WWOX: variants seen among roughly 807,000 people sequenced by gnomAD.
WWOX encodes WW domain containing oxidoreductase.
In WWOX, 69 loss-of-function variants were observed where a neutral mutation model predicts 46.2. The observed-to-expected ratio is 1.49, with a 90% confidence interval of 1.23 to 1.82. The LOEUF (loss-of-function observed/expected upper bound fraction) is 1.82, where lower values mean the gene tolerates loss of function less well. Among genes scored for constraint, WWOX ranks in the 40% most tolerant of loss-of-function variants. The pLI, the probability that WWOX is intolerant of heterozygous loss-of-function variation, is 0.00. For missense variants in WWOX, 919 were observed against 542.6 expected (o/e 1.69, Z -6.89); for synonymous variants, 359 against 202.6 (o/e 1.77, Z -6.56).
At chr16:78,911,912 C>G (rs545275954) in intron 8 of WWOX, among the ~76,000 whole-genome samples, 1 of 152,052 alleles carries the variant, frequency 6.6e-6, no homozygotes, top group East Asian at 1.9e-4. Flanking sequence ...CATTCTCAAG[C>G]TTAGTGTGTG....
chr16:78,923,571 T>A (rs1204323380), intron 8 of WWOX, among the ~76,000 whole-genome samples: 1 of 152,114 alleles, frequency 6.6e-6, no homozygotes, highest in African/African-American at 2.4e-5. Flanking sequence ...TTTCCATTCA[T>A]AGTGTGTTAG....
intron 8 of WWOX, among the ~76,000 whole-genome samples, chr16:78,955,080 C>T (rs1296145065): frequency 6.6e-6 from 1 of 152,136 alleles, no homozygotes; most frequent in African/African-American, 2.4e-5. Context: ...CTTTCCTGAT[C>T]AGGAAACTCC....
At chr16:78,311,701 T>C (rs76499113) in intron 5 of WWOX, among the ~76,000 whole-genome samples, 1 of 152,168 alleles carries the variant, frequency 6.6e-6, no homozygotes, top group Non-Finnish European at 1.5e-5. Flanking sequence ...AGGCAGACTT[T>C]AGTCTGGTTT....
intron 8 of WWOX, among the ~76,000 whole-genome samples, chr16:78,455,800 A>G (rs950277016): frequency 2.1e-5 from 2 of 95,820 alleles, no homozygotes; most frequent in Non-Finnish European, 3.5e-5. Context: ...GTTAAAAAAA[A>G]AAAAAAGGCC....
intron 8 of WWOX, among the ~76,000 whole-genome samples, chr16:78,858,278 T>G (rs935653804): frequency 1.3e-5 from 2 of 150,656 alleles, no homozygotes; most frequent in Admixed American, 6.6e-5. Flanking sequence ...CAGATTTCAG[T>G]GTACCCATCT....
chr16:79,002,121 C>G (rs530641618), intron 8 of WWOX, among the ~76,000 whole-genome samples: 1 of 150,272 alleles, frequency 6.7e-6, no homozygotes. Context: ...CTCAGCTGGA[C>G]GATGAATGAG....
At chr16:79,074,278 TG>T in intron 8 of WWOX, among the ~76,000 whole-genome samples, 1 of 152,188 alleles carries the variant, frequency 6.6e-6, no homozygotes, top group Non-Finnish European at 1.5e-5. Context: ...GTCAGGAACC[TG>T]GGTTTCTAAT....
chr16:78,569,492 C>G (rs1438074516), intron 8 of WWOX, among the ~76,000 whole-genome samples: 1 of 152,168 alleles, frequency 6.6e-6, no homozygotes. Context: ...GTTAATGATT[C>G]TTTTCGTAAC....
intron 8 of WWOX, among the ~76,000 whole-genome samples, chr16:78,835,086 A>G (rs28587933): frequency 0.13 from 19,966 of 152,102 alleles, 1,298 homozygotes; most frequent in East Asian, 0.2. Context: ...TGGAGGAGGA[A>G]GCTCCAAAAA....
chr16:79,201,343 CTTT>C (rs5818210), intron 8 of WWOX, among the ~76,000 whole-genome samples: 26 of 143,614 alleles, frequency 1.8e-4, no homozygotes, highest in African/African-American at 4.7e-4. Context: ...TTTTTCTTTT[CTTT>C]TTTTTTTTTT....
intron 8 of WWOX, among the ~76,000 whole-genome samples, chr16:78,969,267 CTCTT>C (rs2046423446): frequency 2.3e-5 from 3 of 131,332 alleles, no homozygotes; most frequent in African/African-American, 8.3e-5. Flanking sequence ...CTCTCTCTCT[CTCTT>C]TTTTTTTTTT....
chr16:78,929,125 T>A (rs1037575403), intron 8 of WWOX, among the ~76,000 whole-genome samples: 3 of 152,204 alleles, frequency 2.0e-5, no homozygotes, highest in African/African-American at 7.2e-5. Context: ...TAACGCTCTC[T>A]CAAGAAATCC....
chr16:78,353,821 G>T lies in WWOX; in HGVS notation c.517-33039G>T, dbSNP rs577219135. 2.0e-5 allele frequency among the ~76,000 whole-genome samples: 3 copies of T among 152,326 alleles called. No homozygotes were observed. In the South Asian group the frequency reaches 6.2e-4, roughly 32 times the overall value. On this transcript the variant is annotated intron_variant, in intron 5 of 8. Coordinates refer to ENST00000566780, the MANE Select transcript of WWOX (RefSeq NM_016373.4). Reference sequence around the variant, plus strand: ...TCAGCAGTTAGCGTCAAGTTGCACAGCCTGGGCTTGGGTGGCGTTCGCTTT... The same window carrying T: ...TCAGCAGTTAGCGTCAAGTTGCACATCCTGGGCTTGGGTGGCGTTCGCTTT...
At chr16:78,738,617 A>G (rs1821841041) in intron 8 of WWOX, among the ~76,000 whole-genome samples, 1 of 152,170 alleles carries the variant, frequency 6.6e-6, no homozygotes, top group African/African-American at 2.4e-5. Context: ...ACAGCCATTT[A>G]TATTTTTGTT....
chr16:78,576,235 A>C (rs1198598906), intron 8 of WWOX, among the ~76,000 whole-genome samples: 1 of 152,202 alleles, frequency 6.6e-6, no homozygotes, highest in African/African-American at 2.4e-5. Flanking sequence ...GCTTCCTTCC[A>C]GTTCTTCTAT....
At chr16:78,790,365 C>T (rs1482430866) in intron 8 of WWOX, among the ~76,000 whole-genome samples, 1 of 152,076 alleles carries the variant, frequency 6.6e-6, no homozygotes, top group Non-Finnish European at 1.5e-5. Flanking sequence ...AAACTCCTGA[C>T]ATCAAGTGAT....
intron 8 of WWOX, among the ~76,000 whole-genome samples, chr16:79,165,118 G>C (rs1445172023): frequency 6.8e-6 from 1 of 147,454 alleles, no homozygotes; most frequent in East Asian, 2.0e-4. Flanking sequence ...GGGTAAACTT[G>C]ATATGGAAGG....
intron 8 of WWOX, among the ~76,000 whole-genome samples, chr16:79,052,679 T>C (rs2550680): frequency 0.64 from 97,976 of 152,010 alleles, 32,530 homozygotes; most frequent in African/African-American, 0.79. Flanking sequence ...AGAGTACACG[T>C]GTCAGGTTAT....
chr16:78,295,126 C>T (rs2079922881), intron 5 of WWOX, among the ~76,000 whole-genome samples: 1 of 152,078 alleles, frequency 6.6e-6, no homozygotes, highest in African/African-American at 2.4e-5. Context: ...GTCTCATGTC[C>T]CCTTGGCTTC....
Sources: allele counts gnomAD v4.1 joint callset (sites outside exome capture counted in the v4.1 genomes callset), GRCh38; gene constraint gnomAD v4.1.1; transcripts MANE v1.5; gene names NCBI Gene and HGNC (gene_info 2026-07-23, HGNC 2026-07-21).